The following ANK2 variants were observed in gnomAD, a reference collection of about 807,000 sequenced individuals.
ANK2 encodes ankyrin 2, also known as ankyrin-2.
Under a neutral mutation model 360.5 loss-of-function variants are expected in ANK2, and 83 were observed. That is an observed-to-expected ratio of 0.23 (90% CI 0.19 to 0.28). The LOEUF (loss-of-function observed/expected upper bound fraction) is 0.28, where lower values mean the gene tolerates loss of function less well. Ranked by LOEUF, ANK2 falls within the 10% of genes least tolerant of loss-of-function variation. The probability of loss-of-function intolerance (pLI) is 1.00; values close to 1 mark genes in which losing one functional copy is unlikely to be tolerated. For missense variants in ANK2, 4,201 were observed against 4,795.7 expected (o/e 0.88, Z 3.66); for synonymous variants, 1,740 against 1,759.5 (o/e 0.99, Z 0.28).
intron 1 of ANK2, among the ~76,000 whole-genome samples, chr4:112,897,938 C>CA (rs2082213586): frequency 1.3e-5 from 2 of 151,822 alleles, no homozygotes; most frequent in South Asian, 2.1e-4. Context: ...TCAAATATCT[C>CA]AAAAAAACCA....
intron 26 of ANK2, among the ~76,000 whole-genome samples, chr4:113,327,058 TC>T (rs996611784): frequency 3.3e-5 from 5 of 152,212 alleles, no homozygotes; most frequent in Non-Finnish European, 5.9e-5. Context: ...CCTGAATTTT[TC>T]CAATTTGCTT....
chr4:113,330,522 C>T (rs2153927228), intron 27 of ANK2, 52 bp downstream of exon 27: 2 of 1,569,172 alleles, frequency 1.3e-6, no homozygotes, highest in South Asian at 1.1e-5. Context: ...CTTGTGTCCT[C>T]TACATGAAAT....
Position 113,232,217 on chromosome 4 carries a change from A to T in ANK2, c.441A>T (p.Lys147Asn), listed in dbSNP as rs776735614. 1.6e-5 allele frequency: 25 copies of T among 1,608,302 alleles called. No individual in the cohort carries two copies. Among genetic ancestry groups the T allele is most frequent in the Non-Finnish European group, 5.1e-6 (6 of 1,174,928 alleles). ...AAQENHIDVVKYLLENGANQS... is the reference protein window; with the variant it reads ...AAQENHIDVVNYLLENGANQS... Reference sequence around the variant, plus strand: ...AAGAGAATCACATTGATGTTGTAAAATATTTGCTGGAAAATGGAGCTAATC... The same window carrying T: ...AAGAGAATCACATTGATGTTGTAAATTATTTGCTGGAAAATGGAGCTAATC... The change falls in exon 5 of 46, where the codon AAA (lysine) becomes AAT (asparagine). Residue 147 changes from lysine (K) to asparagine (N), a missense_variant. This residue lies in a region of ANK2 where 169 missense variants were observed against 191.1 expected (regional missense o/e 0.88). Coordinates refer to ENST00000357077, the MANE Select transcript of ANK2 (RefSeq NM_001148.6).
In ANK2 at chr4:113,226,321, C is replaced by G. The variant is rs183759024; in HGVS notation, c.385-5840C>G. The stretch of plus-strand genomic sequence containing the variant: ...TCAGCACGGCAGACAGGGACTGATC[C>G]CTGCCTATCTAAGCTGCTTCTCCCC... On this transcript the variant is annotated intron_variant, in intron 4 of 45. Coordinates refer to ENST00000357077, the MANE Select transcript of ANK2 (RefSeq NM_001148.6). 2.0e-3 allele frequency among the ~76,000 whole-genome samples: 311 copies of G among 152,260 alleles called. 1 individual carries two copies. Among genetic ancestry groups the G allele is most frequent in the Non-Finnish European group, 1.3e-3 (89 of 68,006 alleles).
chr4:113,151,754 G>A (rs900687047), intron 1 of ANK2, among the ~76,000 whole-genome samples: 2 of 151,986 alleles, frequency 1.3e-5, no homozygotes, highest in Non-Finnish European at 1.5e-5. Flanking sequence ...AAATGCAATG[G>A]TTACATTTTA....
chr4:113,245,572 A>G (rs1458610350), intron 9 of ANK2, among the ~76,000 whole-genome samples: 13 of 152,236 alleles, frequency 8.5e-5, no homozygotes. Flanking sequence ...TTATAAAACC[A>G]TCAGATCTCA....
At chr4:112,936,930 G>A (rs1282878064) in intron 2 of ANK2, among the ~76,000 whole-genome samples, 1 of 152,058 alleles carries the variant, frequency 6.6e-6, no homozygotes, top group East Asian at 1.9e-4. Flanking sequence ...TGGGACTACA[G>A]GCATGCACCA....
In ANK2 at chr4:113,363,421, C is replaced by A; in HGVS notation, c.10840C>A (p.His3614Asn). The A allele has an allele frequency of 1.2e-6, 2 of 1,613,578 alleles. No homozygotes were observed. The highest frequency in any genetic ancestry group is 1.1e-5 in the South Asian group (1 of 91,078). Residue 3614 changes from histidine to asparagine, a missense_variant, in exon 40 of 46, where the codon CAT becomes AAT. Physicochemically the swap from His to Asn is moderately conservative, Grantham distance 68. Transcript: ENST00000357077. ...TCCCAACTCTCTTCAAGACCAGAGTCATGCACTGTTGAAGTACTGGCTAGA... is the reference window on the plus strand; with the variant it reads ...TCCCAACTCTCTTCAAGACCAGAGTAATGCACTGTTGAAGTACTGGCTAGA... ...ENPNSLQDQS[H>N]ALLKYWLERD...
chr4:113,224,345 TG>T (rs2099188861), intron 4 of ANK2, among the ~76,000 whole-genome samples: 1 of 152,240 alleles, frequency 6.6e-6, no homozygotes, highest in African/African-American at 2.4e-5. Context: ...AGCATTTTTA[TG>T]GGCACTAAAT....
chr4:113,040,542 C>G (rs1398795866), intron 2 of ANK2, among the ~76,000 whole-genome samples: 1 of 152,010 alleles, frequency 6.6e-6, no homozygotes, highest in South Asian at 2.1e-4. Flanking sequence ...GAGCTGGTTG[C>G]AATTCAGGAA....
upstream of ANK2, among the ~76,000 whole-genome samples, chr4:112,814,069 T>C (rs2055477835): frequency 6.6e-6 from 1 of 152,202 alleles, no homozygotes; most frequent in Admixed American, 6.5e-5. Flanking sequence ...GCAATGTTCT[T>C]TGAGGCAAGA....
At chr4:113,055,675 A>G (rs10007543) in intron 1 of ANK2, among the ~76,000 whole-genome samples, 24,986 of 152,184 alleles carry the variant, frequency 0.16, 2,692 homozygotes, top group African/African-American at 0.3. Context: ...GATCTTCAGA[A>G]TAACTCTCAT....
rs2079212234 is a variant in ANK2 at position 113,074,867 on chromosome 4, T to G, written c.84+25055T>G. ...AATACGTTTATGAAGTAATGAGATA[T>G]TTTAGCATTTTTTTCTCATGTGCTA... On this transcript the variant is annotated intron_variant, in intron 1 of 45. Transcript: ENST00000357077. Among the ~76,000 whole-genome samples the G allele has an allele frequency of 2.0e-5, 3 of 152,220 alleles. No individual in the cohort carries two copies. The South Asian group carries it at 6.2e-4, about 31-fold the overall frequency.
intron 2 of ANK2, among the ~76,000 whole-genome samples, chr4:113,177,778 C>T (rs2098272459): frequency 6.6e-6 from 1 of 152,192 alleles, no homozygotes; most frequent in Non-Finnish European, 1.5e-5. Context: ...AACATGATCT[C>T]ATGAAGCCCA....
chr4:112,780,123 G>A, the ANK2 span, among the ~76,000 whole-genome samples: 1 of 151,626 alleles, frequency 6.6e-6, no homozygotes. Flanking sequence ...TTGGGGGGCT[G>A]AGTTGCGGTG....
At chr4:112,859,968 G>A (rs189343499) in intron 1 of ANK2, among the ~76,000 whole-genome samples, 187 of 152,298 alleles carry the variant, frequency 1.2e-3, no homozygotes, top group African/African-American at 4.1e-3. Context: ...GCAATACAGT[G>A]ACCATTCTCT....
rs142150293 is a variant in ANK2, at chr4:113,188,696, G to A, written c.187-7672G>A. On this transcript the variant is annotated intron_variant, in intron 2 of 45. Transcript: ENST00000357077. ...AATAAACATGTAAAATTTAAAAATT[G>A]TCATAGAACTCTGAGATCCTTAATA... 1.5e-3 allele frequency among the ~76,000 whole-genome samples: 226 copies of A among 152,192 alleles called. 1 individual carries two copies. Among genetic ancestry groups the A allele is most frequent in the African/African-American group, 5.2e-3 (214 of 41,550 alleles).
intron 1 of ANK2, among the ~76,000 whole-genome samples, chr4:112,867,124 T>A (rs995843951): frequency 4.0e-5 from 6 of 151,074 alleles, no homozygotes; most frequent in African/African-American, 1.2e-4. Context: ...AGGTCTTACA[T>A]TTTTTTTTCC....
chr4:113,077,138 A>T (rs1052162081), intron 1 of ANK2, among the ~76,000 whole-genome samples: 1 of 152,186 alleles, frequency 6.6e-6, no homozygotes, highest in Admixed American at 6.5e-5. Flanking sequence ...AGGAACATGG[A>T]TAAACATATT....
Sources: gnomAD v4.1 joint callset for allele counts (sites outside exome capture counted in the v4.1 genomes callset) on GRCh38, gnomAD v4.1.1 for gene constraint, gnomAD v4.1.1 regional missense constraint, MANE v1.5 for transcripts, NCBI Gene and HGNC (gene_info 2026-07-23, HGNC 2026-07-21) for gene names.